The following CNGB1 variants were observed in gnomAD, a reference collection of about 807,000 sequenced individuals.
The protein encoded by CNGB1 is cyclic nucleotide gated channel subunit beta 1.
A neutral mutation model predicts 151.7 loss-of-function variants in CNGB1; 126 were observed. The ratio of observed to expected loss-of-function variants is 0.83; its 90% CI spans 0.72 to 0.96. The LOEUF is 0.96. Ranked by LOEUF, CNGB1 falls within the 40% of genes least tolerant of loss-of-function variation. The pLI is 0.00. For missense variants in CNGB1, 1,698 were observed against 1,627.0 expected, an observed-to-expected ratio of 1.04 and a Z score of -0.75; for synonymous variants, 623 against 635.1, an observed-to-expected ratio of 0.98 and a Z score of 0.29.
In CNGB1 at chr16:57,897,902, G is replaced by A. The variant is rs781615372; in HGVS notation, c.2989C>T (p.Arg997Cys). Reference protein sequence around the residue: ...DYVCKKGEIGREMYIIQAGQV... With the variant: ...DYVCKKGEIGCEMYIIQAGQV... ...CCTGCCTGGATGATGTACATCTCAC[G>A]GCCGATCTCCCCCTGAAACAAAGAA... The change falls in exon 30 of 33, where the codon CGT becomes TGT. Residue 997 changes from arginine (R) to cysteine (C), a missense_variant. By Grantham distance (180) the Arg-to-Cys change is radical. Transcript: ENST00000251102. The A allele has an allele frequency of 1.5e-5, 25 of 1,613,962 alleles. No individual in the cohort carries two copies. In the Admixed American group the frequency reaches 2.0e-4, roughly 13 times the overall value.
At chr16:57,967,102 G>A (rs746798537) in intron 2 of CNGB1, 26 bp downstream of exon 2, 2 of 1,614,026 alleles carry the variant, frequency 1.2e-6, no homozygotes, top group Admixed American at 3.3e-5. Context: ...AGGCCGGCCT[G>A]CCCCTCCTCC....
chr16:57,964,133 T>G lies in CNGB1; in HGVS notation c.287A>C (p.Asn96Thr). 6.2e-7 allele frequency: 1 copy of G among 1,614,068 alleles called. No individual in the cohort carries two copies. The highest frequency in any genetic ancestry group is 2.2e-5 in the East Asian group (1 of 44,874). The change falls in exon 4 of 33, where the codon AAT becomes ACT. Residue 96 changes from asparagine (N) to threonine (T), a missense_variant. Asn to Thr is a moderately conservative substitution (Grantham distance 65). Coordinates refer to ENST00000251102, the MANE Select transcript of CNGB1 (RefSeq NM_001297.5). ...RAQGAEISEM[N>T]SPSRRVLTWL... ...AGAGGGGAGGGTGGTGCAGTACCTA[T>G]TCATTTCAGAAATCTCAGCGCCCTG...
chr16:57,884,112 G>A lies in CNGB1; in HGVS notation c.*52C>T. 8.7e-6 allele frequency: 14 copies of A among 1,612,636 alleles called. No homozygotes were observed. The highest frequency in any genetic ancestry group is 1.2e-5 in the Non-Finnish European group (14 of 1,178,848). On this transcript the variant is annotated 3_prime_UTR_variant, in exon 33 of 33. Transcript: ENST00000251102. ...GCGCTGGGGCGCAGGGGCGCAGCGG[G>A]CGCTGGGGACACACCTGCTGGAACT...
Position 57,917,470 on chromosome 16 carries a change from A to C in CNGB1, c.1964T>G (p.Met655Arg), listed in dbSNP as rs752607285. ...CACGAAGAACAGCCATAGGACATAC[A>C]TCAGGTCTGTGGGGAAGGTTGACGG... ...PQSIDPLTNL[M>R]YVLWLFFVVM... Residue 655 changes from methionine (M) to arginine (R), a missense_variant, in exon 21 of 33, where the codon ATG becomes AGG. Physicochemically the swap from Met to Arg is moderately conservative, Grantham distance 91 (BLOSUM62 -1). Coordinates refer to ENST00000251102, the MANE Select transcript of CNGB1 (RefSeq NM_001297.5). The C allele has an allele frequency of 3.7e-6, 6 of 1,613,952 alleles. No homozygotes were observed. In the Admixed American group the frequency reaches 8.3e-5, roughly 22 times the overall value.
intron 18 of CNGB1, among the ~76,000 whole-genome samples, chr16:57,922,431 C>CTTTT (rs60969134): frequency 3.7e-5 from 5 of 136,536 alleles, no homozygotes; most frequent in Non-Finnish European, 4.6e-5. Context: ...TTCTTTCTTT[C>CTTTT]TTTTTTTTTT....
chr16:57,962,253 T>C (rs1962276464), intron 7 of CNGB1, among the ~76,000 whole-genome samples: 1 of 152,024 alleles, frequency 6.6e-6, no homozygotes, highest in Non-Finnish European at 1.5e-5. Context: ...GCTTCCAGGC[T>C]CCACACGGAG....
intron 12 of CNGB1, among the ~76,000 whole-genome samples, chr16:57,952,213 C>T (rs964212791): frequency 1.3e-5 from 2 of 152,210 alleles, no homozygotes; most frequent in Non-Finnish European, 2.9e-5. Context: ...TACTTTCCCC[C>T]TTTTAAAGAG....
At chr16:57,915,194 C>T (rs1208854023) in intron 23 of CNGB1, 55 bp downstream of exon 23, 32 of 1,415,588 alleles carry the variant, frequency 2.3e-5, no homozygotes, top group Admixed American at 1.7e-4. Context: ...ATGCCAGTGT[C>T]GGTGCAGAGC....
chr16:57,955,417 G>A (rs768911800), intron 12 of CNGB1: 3 of 1,461,514 alleles, frequency 2.1e-6, no homozygotes, highest in African/African-American at 2.8e-5. Context: ...ACAGGCGGAG[G>A]GAATGAGTGA....
intron 27 of CNGB1, 86 bp from the exon 28 acceptor site, chr16:57,901,711 C>T (rs1960398197): frequency 2.0e-6 from 2 of 998,796 alleles, no homozygotes; most frequent in Non-Finnish European, 3.1e-6. Flanking sequence ...CCTACTGGCT[C>T]ACCAGGGCAC....
At chr16:57,953,528 C>T (rs138597497) in intron 12 of CNGB1, among the ~76,000 whole-genome samples, 11 of 151,364 alleles carry the variant, frequency 7.3e-5, no homozygotes, top group Middle Eastern at 6.8e-3. Context: ...TCAACAGCCT[C>T]ATGTAGGAAG....
rs530551814 is a variant in CNGB1, at chr16:57,911,752, C to A, written c.2492+1G>T. 4 of 1,613,882 alleles carry A rather than the reference C, an allele frequency of 2.5e-6. No homozygotes were observed. In the African/African-American group the frequency reaches 5.3e-5, roughly 22 times the overall value. ...GCCCCAGGGGGAGGACTGTGGCTCA[C>A]CTGTTTCCCACGCCATCGTAAACCC... On this transcript the variant is annotated splice_donor_variant, in intron 25 of 32. Coordinates refer to ENST00000251102, the MANE Select transcript of CNGB1 (RefSeq NM_001297.5). LOFTEE classifies it high-confidence loss of function.
At chr16:57,915,385 G>A (rs1429356183) in intron 22 of CNGB1, 50 bp from the exon 23 acceptor site, 13 of 1,400,248 alleles carry the variant, frequency 9.3e-6, no homozygotes, top group Non-Finnish European at 1.2e-5. Flanking sequence ...ACTCCAGGGT[G>A]GAAGGTGAGG....
chr16:57,929,562 A>T (rs1961290115), intron 17 of CNGB1, among the ~76,000 whole-genome samples: 1 of 152,164 alleles, frequency 6.6e-6, no homozygotes, highest in African/African-American at 2.4e-5. Context: ...CAGGAAATAT[A>T]ACTGGGAGGC....
chr16:57,920,423 G>C lies in CNGB1; in HGVS notation c.1765C>G (p.Pro589Ala), dbSNP rs1339561297. The change falls in exon 19 of 33, where the codon CCT becomes GCT. Residue 589 changes from proline to alanine, a missense_variant. Pro to Ala is a conservative substitution (Grantham distance 27). Transcript: ENST00000251102. ...CTCTCCTCATCAGAGGTGACGTCAG[G>C]GTCAATGAGTTTCTCCTTCACTTTC... ...TEKVKEKLID[P>A]DVTSDEESPK... The C allele has an allele frequency of 6.2e-7, 1 of 1,614,154 alleles. No individual in the cohort carries two copies.
intron 29 of CNGB1, 125 bp downstream of exon 29, chr16:57,901,227 C>A (rs547656159): frequency 1.1e-6 from 1 of 952,130 alleles, no homozygotes; most frequent in Non-Finnish European, 1.7e-6. Context: ...AAGCCGCAGA[C>A]GCTCTTCTCC....
chr16:57,898,323 G>A (rs201964424), intron 29 of CNGB1, among the ~76,000 whole-genome samples: 6 of 152,104 alleles, frequency 3.9e-5, no homozygotes, highest in Non-Finnish European at 5.9e-5. Flanking sequence ...TCAGGGGCTC[G>A]GGAAGAATTT....
At chr16:57,910,300 C>T (rs1960673650) in intron 25 of CNGB1, among the ~76,000 whole-genome samples, 1 of 152,188 alleles carries the variant, frequency 6.6e-6, no homozygotes. Flanking sequence ...CACCACAGCC[C>T]CTTATCATAA....
At chr16:57,888,134 G>T in intron 31 of CNGB1, 60 bp from the exon 32 acceptor site, 1 of 1,527,812 alleles carries the variant, frequency 6.5e-7, no homozygotes, top group Non-Finnish European at 9.0e-7. Flanking sequence ...AGAAAGACTC[G>T]CTTCTGCAGC....
Sources: allele counts gnomAD v4.1 joint callset (sites outside exome capture counted in the v4.1 genomes callset), GRCh38; gene constraint gnomAD v4.1.1; transcripts MANE v1.5; gene names NCBI Gene and HGNC (gene_info 2026-07-23, HGNC 2026-07-21).